Variants in NCOA7 observed in about 807,000 individuals in gnomAD.
NCOA7 encodes the protein nuclear receptor coactivator 7, also known as 140 kDa estrogen receptor-associated protein.
Under a neutral mutation model 104.3 loss-of-function variants are expected in NCOA7, and 45 were observed. The ratio of observed to expected loss-of-function variants is 0.43; its 90% CI spans 0.34 to 0.55. NCOA7 has a LOEUF of 0.55. Ranked by LOEUF, NCOA7 falls within the 20% of genes least tolerant of loss-of-function variation. The pLI is 0.02. For synonymous variants in NCOA7, 398 were observed against 402.3 expected (o/e 0.99, Z 0.13); for missense variants, 1,041 against 1,119.7 (o/e 0.93, Z 1.00).
chr6:125,854,962 G>C (rs1781428587), intron 2 of NCOA7, 58 bp from the exon 3 acceptor site: 1 of 1,213,762 alleles, frequency 8.2e-7, no homozygotes, highest in Admixed American at 2.2e-5. Flanking sequence ...AAATTAATAT[G>C]ATTTCTACCA....
intron 10 of NCOA7, among the ~76,000 whole-genome samples, chr6:125,892,893 A>C (rs1183706857): frequency 6.6e-6 from 1 of 151,696 alleles, no homozygotes; most frequent in Non-Finnish European, 1.5e-5. Context: ...GATGTTAGGA[A>C]TTTTTTTGTG....
intron 10 of NCOA7, among the ~76,000 whole-genome samples, chr6:125,908,310 GC>G (rs1390278813): frequency 6.6e-6 from 1 of 152,190 alleles, no homozygotes; most frequent in Non-Finnish European, 1.5e-5. Context: ...TGCACATGCA[GC>G]CATTTCCTTC....
chr6:125,900,266 A>G (rs539967134), intron 10 of NCOA7, among the ~76,000 whole-genome samples: 16 of 152,200 alleles, frequency 1.1e-4, no homozygotes, highest in Non-Finnish European at 2.1e-4. Flanking sequence ...GTTGTTAAGT[A>G]TTGTCCACTG....
chr6:125,920,902 A>G, intron 11 of NCOA7, 41 bp from the exon 12 acceptor site: 1 of 1,600,726 alleles, frequency 6.2e-7, no homozygotes. Context: ...TTAGAAGAAA[A>G]GCCAATAAGT....
At chr6:125,825,471 T>C (rs1329711768) in intron 2 of NCOA7, among the ~76,000 whole-genome samples, 1 of 152,244 alleles carries the variant, frequency 6.6e-6, no homozygotes, top group Non-Finnish European at 1.5e-5. Context: ...TAATTTTTCC[T>C]GTGTATGTGA....
chr6:125,900,362 C>A (rs184779687), intron 10 of NCOA7, among the ~76,000 whole-genome samples: 1 of 152,342 alleles, frequency 6.6e-6, no homozygotes, highest in East Asian at 1.9e-4. Flanking sequence ...AGGCCTCTGG[C>A]ATTGATATTA....
chr6:125,926,311 C>CA (rs59529465), intron 13 of NCOA7, among the ~76,000 whole-genome samples: 4,692 of 102,056 alleles, frequency 0.046, 95 homozygotes, highest in Admixed American at 0.058. Flanking sequence ...GACTCCATCT[C>CA]AAAAAAAAAA....
intron 10 of NCOA7, among the ~76,000 whole-genome samples, chr6:125,902,030 C>G (rs1470710075): frequency 6.6e-6 from 1 of 152,112 alleles, no homozygotes; most frequent in Non-Finnish European, 1.5e-5. Context: ...CTCTGCTGAG[C>G]CACTCTGCTT....
intron 2 of NCOA7, among the ~76,000 whole-genome samples, chr6:125,830,761 A>ATGTG (rs59933115): frequency 0.014 from 2,089 of 144,070 alleles, 38 homozygotes; most frequent in African/African-American, 0.043. Flanking sequence ...GTGTGTGTGT[A>ATGTG]TGTGTGTGTG....
intron 2 of NCOA7, among the ~76,000 whole-genome samples, chr6:125,843,292 T>G (rs912424486): frequency 6.6e-6 from 1 of 152,096 alleles, no homozygotes; most frequent in African/African-American, 2.4e-5. Context: ...CTCTAGAAGC[T>G]GGAAAAAGCA....
chr6:125,835,421 A>C (rs750574270), intron 2 of NCOA7, among the ~76,000 whole-genome samples: 1 of 152,120 alleles, frequency 6.6e-6, no homozygotes, highest in Non-Finnish European at 1.5e-5. Flanking sequence ...TCTGGTTCAC[A>C]TAAGTAAAAA....
At chr6:125,894,006 C>G (rs938927771) in intron 10 of NCOA7, among the ~76,000 whole-genome samples, 5 of 152,176 alleles carry the variant, frequency 3.3e-5, no homozygotes, top group African/African-American at 9.7e-5. Flanking sequence ...GCAGTTTCCA[C>G]AACTCTACTT....
At chr6:125,893,481 A>G (rs1014325882) in intron 10 of NCOA7, among the ~76,000 whole-genome samples, 2 of 152,086 alleles carry the variant, frequency 1.3e-5, no homozygotes, top group Non-Finnish European at 2.9e-5. Context: ...TATTATTACT[A>G]CTAAAAAGTT....
chr6:125,920,518 G>A (rs988687602), intron 11 of NCOA7, among the ~76,000 whole-genome samples: 18 of 152,248 alleles, frequency 1.2e-4, no homozygotes, highest in African/African-American at 3.6e-4. Context: ...CTCAGTGACC[G>A]AGCAATCAGC....
At chr6:125,921,391 C>G (rs1787572530) in intron 12 of NCOA7, among the ~76,000 whole-genome samples, 1 of 151,562 alleles carries the variant, frequency 6.6e-6, no homozygotes, top group Non-Finnish European at 1.5e-5. Context: ...GCCTGCGCAA[C>G]AGAGTGAGAC....
chr6:125,786,561 A>G (rs184607011), upstream of NCOA7, among the ~76,000 whole-genome samples: 1,865 of 149,520 alleles, frequency 0.012, 17 homozygotes, highest in Non-Finnish European at 0.019. Context: ...TATCATACAC[A>G]ATAATCATTG....
At chr6:125,875,073 C>G in intron 4 of NCOA7, 105 bp downstream of exon 4, 1 of 775,280 alleles carries the variant, frequency 1.3e-6, no homozygotes, top group South Asian at 1.9e-5. Flanking sequence ...CTTGTGTACC[C>G]ATTAAACAAT....
At position 125,875,350 on chromosome 6, in the gene NCOA7, T is replaced by C. The variant is rs1024096412; in HGVS notation, c.351+382T>C. ...AGGAGGACATTTCTTGGGTCACGGG[T>C]ATTCTAGTAACTGTGTTGCCCTGTT... On this transcript the variant is annotated intron_variant, in intron 4 of 15. Transcript: ENST00000392477. 5 of 168,004 alleles carry C rather than the reference T, an allele frequency of 3.0e-5. 1 individual carries two copies. In the East Asian group the frequency reaches 8.0e-4, roughly 27 times the overall value. The allele number at this position is 168,004 out of a possible 1,614,324, so 10.4% of individuals were successfully genotyped here.
intron 10 of NCOA7, chr6:125,913,759 C>T: frequency 1.5e-6 from 1 of 649,098 alleles, no homozygotes; most frequent in Non-Finnish European, 1.9e-6. Context: ...CTCGGAAACA[C>T]ATTTGATAGT....
Sources: gnomAD v4.1 joint callset for allele counts (sites outside exome capture counted in the v4.1 genomes callset) on GRCh38, gnomAD v4.1.1 for gene constraint, MANE v1.5 for transcripts, NCBI Gene and HGNC (gene_info 2026-07-23, HGNC 2026-07-21) for gene names.